IQGAP2: variants seen among roughly 807,000 people sequenced by gnomAD.
IQGAP2 encodes the protein ras GTPase-activating-like protein IQGAP2.
IQGAP2 carries 173 observed loss-of-function variants against 201.3 expected under a neutral mutation model. The observed-to-expected ratio is 0.86, with a 90% CI of 0.76 to 0.98. The LOEUF (loss-of-function observed/expected upper bound fraction) is 0.98. Among genes scored for constraint, IQGAP2 ranks in the 50% least tolerant of loss-of-function variants. The probability of loss-of-function intolerance (pLI) is 0.00; values close to 1 mark genes in which losing one functional copy is unlikely to be tolerated. For missense variants in IQGAP2, 1,687 were observed against 1,864.8 expected (o/e 0.90, Z 1.76); for synonymous variants, 675 against 673.9 (o/e 1.00, Z -0.03).
intron 1 of IQGAP2, among the ~76,000 whole-genome samples, chr5:76,431,131 G>A (rs1385433627): frequency 6.6e-6 from 1 of 151,990 alleles, no homozygotes; most frequent in Non-Finnish European, 1.5e-5. Context: ...TAAATTGTTA[G>A]TGGATTTCTA....
At chr5:76,650,755 A>G (rs1041639187) in intron 17 of IQGAP2, among the ~76,000 whole-genome samples, 1 of 152,176 alleles carries the variant, frequency 6.6e-6, no homozygotes, top group African/African-American at 2.4e-5. Flanking sequence ...TATTTCTCCT[A>G]ATGCTATCCC....
intron 2 of IQGAP2, among the ~76,000 whole-genome samples, chr5:76,523,627 T>G (rs1469787907): frequency 6.6e-6 from 1 of 152,216 alleles, no homozygotes; most frequent in Non-Finnish European, 1.5e-5. Flanking sequence ...CAATCAGCTA[T>G]GCAGTAAGAG....
chr5:76,418,435 C>T (rs1751536766), intron 1 of IQGAP2, among the ~76,000 whole-genome samples: 1 of 151,880 alleles, frequency 6.6e-6, no homozygotes, highest in African/African-American at 2.4e-5. Context: ...CGGTGGCTCA[C>T]GCTTATAATC....
intron 2 of IQGAP2, 44 bp downstream of exon 2, chr5:76,461,713 T>C: frequency 7.1e-7 from 1 of 1,408,676 alleles, no homozygotes; most frequent in Non-Finnish European, 1.0e-6. Context: ...CTCTTGGAGA[T>C]AAGCTTTGTG....
intron 2 of IQGAP2, among the ~76,000 whole-genome samples, chr5:76,493,708 G>A (rs1429677112): frequency 1.3e-5 from 2 of 152,036 alleles, no homozygotes; most frequent in South Asian, 4.1e-4. Context: ...TTTGTTTAAC[G>A]ATGTGTCTCA....
chr5:76,429,860 G>GACACACACACACACACAC (rs56031811), intron 1 of IQGAP2, among the ~76,000 whole-genome samples: 13 of 144,630 alleles, frequency 9.0e-5, no homozygotes, highest in African/African-American at 3.4e-4. Flanking sequence ...AGGAGACACA[G>GACACACACACACACACAC]ACACACACAC....
intron 2 of IQGAP2, among the ~76,000 whole-genome samples, chr5:76,471,364 C>CAAAAAAAAAAAAAAAAA: frequency 1.4e-5 from 1 of 72,528 alleles, no homozygotes; most frequent in Middle Eastern, 8.1e-3. Flanking sequence ...ATAAACTAAG[C>CAAAAAAAAAAAAAAAAA]AAAAAAAAAA....
At chr5:76,433,192 A>G (rs547610180) in intron 1 of IQGAP2, among the ~76,000 whole-genome samples, 2 of 152,236 alleles carry the variant, frequency 1.3e-5, no homozygotes, top group African/African-American at 4.8e-5. Context: ...TTTTTAGTTT[A>G]GTTGGGTTCC....
At chr5:76,507,883 C>A (rs1299742521) in intron 2 of IQGAP2, among the ~76,000 whole-genome samples, 7 of 151,148 alleles carry the variant, frequency 4.6e-5, no homozygotes, top group Admixed American at 3.9e-4. Context: ...GTGACACGCG[C>A]CTGTAGTCCT....
chr5:76,477,260 G>A (rs1422220124), intron 2 of IQGAP2, among the ~76,000 whole-genome samples: 2 of 152,180 alleles, frequency 1.3e-5, no homozygotes, highest in Non-Finnish European at 2.9e-5. Flanking sequence ...AGGATCACCT[G>A]AGCCTGGGAG....
intron 1 of IQGAP2, among the ~76,000 whole-genome samples, chr5:76,422,345 T>C (rs1260231238): frequency 6.6e-6 from 1 of 152,114 alleles, no homozygotes; most frequent in East Asian, 1.9e-4. Flanking sequence ...TTCCGAGGAG[T>C]CTGACTTCAC....
At chr5:76,585,007 TAAG>T (rs1746141847) in intron 5 of IQGAP2, among the ~76,000 whole-genome samples, 1 of 152,186 alleles carries the variant, frequency 6.6e-6, no homozygotes, top group African/African-American at 2.4e-5. Context: ...GATAAAACTC[TAAG>T]AAGGAAAATT....
At chr5:76,571,825 A>G (rs1170504679) in intron 4 of IQGAP2, among the ~76,000 whole-genome samples, 3 of 152,210 alleles carry the variant, frequency 2.0e-5, no homozygotes, top group Non-Finnish European at 4.4e-5. Context: ...TTAAATTGAC[A>G]TTGGTGTATT....
intron 2 of IQGAP2, among the ~76,000 whole-genome samples, chr5:76,555,698 T>G (rs1743893987): frequency 6.6e-6 from 1 of 152,174 alleles, no homozygotes; most frequent in African/African-American, 2.4e-5. Context: ...CTGCTGCTTT[T>G]CTTTTTTTTA....
intron 5 of IQGAP2, among the ~76,000 whole-genome samples, chr5:76,588,658 G>A (rs1448039562): frequency 6.6e-6 from 1 of 152,108 alleles, no homozygotes; most frequent in East Asian, 1.9e-4. Context: ...GAGTTAGCTG[G>A]CTCTGTAGAA....
intron 2 of IQGAP2, among the ~76,000 whole-genome samples, chr5:76,492,603 G>C (rs935207050): frequency 1.3e-5 from 2 of 152,202 alleles, no homozygotes; most frequent in Admixed American, 1.3e-4. Context: ...TGATTGCTAG[G>C]CTAAAGATAT....
At chr5:76,426,944 G>GTGT (rs1752044756) in intron 1 of IQGAP2, among the ~76,000 whole-genome samples, 1 of 152,012 alleles carries the variant, frequency 6.6e-6, no homozygotes, top group Non-Finnish European at 1.5e-5. Flanking sequence ...GTGAGTGTGT[G>GTGT]CAGGACTTTA....
At chr5:76,649,431 T>C (rs1752337973) in intron 17 of IQGAP2, among the ~76,000 whole-genome samples, 1 of 152,006 alleles carries the variant, frequency 6.6e-6, no homozygotes, top group African/African-American at 2.4e-5. Flanking sequence ...TACAGATAGC[T>C]CTCTAAACCA....
chr5:76,441,465 G>T (rs1443657172), intron 1 of IQGAP2: 13 of 984,478 alleles, frequency 1.3e-5, no homozygotes, highest in Non-Finnish European at 1.4e-5. Flanking sequence ...ATGAGAAAAA[G>T]AACCAAAAGA....
Sources: gnomAD v4.1 joint callset for allele counts (sites outside exome capture counted in the v4.1 genomes callset) on GRCh38, gnomAD v4.1.1 for gene constraint, MANE v1.5 for transcripts, NCBI Gene and HGNC (gene_info 2026-07-23, HGNC 2026-07-21) for gene names.